ADAMTSL3: variants seen among roughly 807,000 people sequenced by gnomAD.
ADAMTSL3 encodes ADAMTS like 3.
ADAMTSL3 carries 128 observed loss-of-function variants against 201.7 expected under a neutral mutation model. That is an observed-to-expected ratio of 0.63 (90% CI 0.55 to 0.73). The LOEUF is 0.73. Ranked by LOEUF, ADAMTSL3 falls within the 30% of genes least tolerant of loss-of-function variation. ADAMTSL3 has a pLI of 0.00. For synonymous variants in ADAMTSL3, 738 were observed against 748.4 expected (o/e 0.99, Z 0.23); for missense variants, 1,990 against 2,119.6 (o/e 0.94, Z 1.20).
At chr15:83,945,314 G>A (rs546189678) in intron 19 of ADAMTSL3, among the ~76,000 whole-genome samples, 2 of 152,198 alleles carry the variant, frequency 1.3e-5, no homozygotes, top group Non-Finnish European at 2.9e-5. Context: ...CCTAAACAAA[G>A]AGAAAGGACT....
At chr15:84,005,457 G>A (rs1279755430) in intron 23 of ADAMTSL3, among the ~76,000 whole-genome samples, 2 of 152,170 alleles carry the variant, frequency 1.3e-5, no homozygotes, top group South Asian at 2.1e-4. Context: ...AGCATGTATC[G>A]CTATGCTTGA....
chr15:83,697,294 C>T (rs1377647884), intron 2 of ADAMTSL3, among the ~76,000 whole-genome samples: 1 of 152,132 alleles, frequency 6.6e-6, no homozygotes, highest in Non-Finnish European at 1.5e-5. Flanking sequence ...CAACACAGCA[C>T]TTGTGTGGAG....
chr15:83,872,594 T>TA (rs2065101048), intron 9 of ADAMTSL3, among the ~76,000 whole-genome samples: 1 of 55,828 alleles, frequency 1.8e-5, no homozygotes, highest in Non-Finnish European at 3.7e-5. Context: ...GTAGAAAATA[T>TA]ACACCACACA....
chr15:83,739,876 GC>G, intron 3 of ADAMTSL3: 1 of 600,986 alleles, frequency 1.7e-6, no homozygotes, highest in Non-Finnish European at 3.2e-6. Context: ...ACAGCATCCT[GC>G]CTGACGACCA....
Position 84,038,059 on chromosome 15 carries a change from G to A in ADAMTSL3, c.*253G>A, listed in dbSNP as rs1015489238. The stretch of plus-strand genomic sequence containing the variant: ...ATAGCATGCATGCCACTGCACTTGG[G>A]ACCTCATCATGTCAGTTGAATCGAG... On this transcript the variant is annotated 3_prime_UTR_variant, in exon 30 of 30. Transcript: ENST00000286744. The A allele has an allele frequency of 2.2e-6, 1 of 454,210 alleles. No individual in the cohort carries two copies. The highest frequency in any genetic ancestry group is 4.0e-5 in the Admixed American group (1 of 25,148). The allele number at this position is 454,210 out of a possible 1,614,324, so 28.1% of individuals were successfully genotyped here.
rs1451102081 is a variant in ADAMTSL3, at chr15:83,890,166, A to G, written c.1130A>G (p.Asp377Gly). The G allele has an allele frequency of 1.9e-6, 3 of 1,613,890 alleles. No individual in the cohort carries two copies. In the African/African-American group the frequency reaches 4.0e-5, roughly 22 times the overall value. Residue 377 changes from aspartate (D) to glycine (G), a missense_variant, in exon 11 of 30, where the codon GAC becomes GGC. Coordinates refer to ENST00000286744, the MANE Select transcript of ADAMTSL3 (RefSeq NM_207517.3). ...VDIRLKRVVPDHYCHYYPENV... is the reference protein window; with the variant it reads ...VDIRLKRVVPGHYCHYYPENV... ...ATCCGCTTGAAGAGGGTAGTTCCTG[A>G]CCATTATTGTCACTACTACCCTGAA...
intron 8 of ADAMTSL3, among the ~76,000 whole-genome samples, chr15:83,869,678 G>A (rs1398833954): frequency 3.9e-5 from 6 of 152,150 alleles, no homozygotes; most frequent in Admixed American, 3.3e-4. Flanking sequence ...AATGCTGGAC[G>A]ATTTTGTTGC....
Position 83,890,184 on chromosome 15 carries a change from A to G in ADAMTSL3, c.1148A>G (p.Tyr383Cys), listed in dbSNP as rs2065476707. ...GTTCCTGACCATTATTGTCACTACT[A>G]CCCTGAAAATGTAAAACCAAAACCA... Reference protein sequence around the residue: ...RVVPDHYCHYYPENVKPKPKL... With the variant: ...RVVPDHYCHYCPENVKPKPKL... The change falls in exon 11 of 30, where the codon TAC becomes TGC. Residue 383 changes from tyrosine (Y) to cysteine (C), a missense_variant. By Grantham distance (194) the Tyr-to-Cys change is radical. Coordinates refer to ENST00000286744, the MANE Select transcript of ADAMTSL3 (RefSeq NM_207517.3). 3 of 1,613,952 alleles carry G rather than the reference A, an allele frequency of 1.9e-6. No individual in the cohort carries two copies. Among genetic ancestry groups the G allele is most frequent in the Non-Finnish European group, 2.5e-6 (3 of 1,179,958 alleles).
At chr15:83,842,476 G>A (rs544456059) in intron 7 of ADAMTSL3, among the ~76,000 whole-genome samples, 42 of 152,244 alleles carry the variant, frequency 2.8e-4, no homozygotes, top group Middle Eastern at 3.4e-3. Flanking sequence ...CCCCCTAGGG[G>A]CTTGAGCTGC....
chr15:83,991,316 C>A, intron 23 of ADAMTSL3, 102 bp downstream of exon 23: 1 of 1,547,386 alleles, frequency 6.5e-7, no homozygotes, highest in Non-Finnish European at 8.8e-7. Flanking sequence ...TATTCGAGAC[C>A]TCAGCCTGAT....
intron 3 of ADAMTSL3, among the ~76,000 whole-genome samples, chr15:83,712,964 T>G (rs764429582): frequency 2.0e-5 from 3 of 152,208 alleles, no homozygotes; most frequent in Non-Finnish European, 2.9e-5. Flanking sequence ...ATGCTTCTAC[T>G]ACATGCATTC....
At chr15:83,740,422 G>T (rs1339516635) in intron 3 of ADAMTSL3, among the ~76,000 whole-genome samples, 1 of 152,156 alleles carries the variant, frequency 6.6e-6, no homozygotes, top group Non-Finnish European at 1.5e-5. Flanking sequence ...GGTTGATGAA[G>T]AATCCAAATT....
intron 6 of ADAMTSL3, among the ~76,000 whole-genome samples, chr15:83,832,172 CT>C (rs1263348677): frequency 6.6e-6 from 1 of 152,032 alleles, no homozygotes; most frequent in Admixed American, 6.6e-5. Flanking sequence ...GCAAAGGCAT[CT>C]TTTTTTGCCT....
At chr15:83,957,426 G>A (rs1452254349) in intron 19 of ADAMTSL3, among the ~76,000 whole-genome samples, 1 of 152,162 alleles carries the variant, frequency 6.6e-6, no homozygotes, top group African/African-American at 2.4e-5. Context: ...CTATGGATAA[G>A]GTATTAGAGG....
chr15:83,867,553 C>A (rs767017997), intron 8 of ADAMTSL3, among the ~76,000 whole-genome samples: 3 of 152,206 alleles, frequency 2.0e-5, no homozygotes, highest in Non-Finnish European at 4.4e-5. Flanking sequence ...TAAGCCCTAT[C>A]TGAGGACCAT....
In ADAMTSL3 at chr15:83,792,276, G is replaced by T. The variant is rs185097967; in HGVS notation, c.318-12374G>T. On this transcript the variant is annotated intron_variant, in intron 4 of 29. Coordinates refer to ENST00000286744, the MANE Select transcript of ADAMTSL3 (RefSeq NM_207517.3). ...AGTATTTAAGTGATGTAAGCCAAAA[G>T]ATATATGAACAAATGCTCAACATCA... 1.8e-4 allele frequency among the ~76,000 whole-genome samples: 27 copies of T among 152,154 alleles called. No homozygotes were observed. In the East Asian group the frequency reaches 4.8e-3, roughly 27 times the overall value.
intron 3 of ADAMTSL3, among the ~76,000 whole-genome samples, chr15:83,763,434 G>T (rs1278358878): frequency 5.3e-5 from 8 of 150,734 alleles, no homozygotes; most frequent in Admixed American, 4.6e-4. Flanking sequence ...TTGAGACAGG[G>T]TCTCACTCTA....
chr15:84,029,780 T>C (rs960170015), intron 27 of ADAMTSL3, among the ~76,000 whole-genome samples: 3 of 152,180 alleles, frequency 2.0e-5, no homozygotes, highest in African/African-American at 7.2e-5. Context: ...TCACATACCC[T>C]GAGGCATAGG....
intron 16 of ADAMTSL3, among the ~76,000 whole-genome samples, chr15:83,917,417 GTGTATGTA>G (rs56329675): frequency 3.2e-4 from 47 of 146,638 alleles, no homozygotes; most frequent in South Asian, 1.5e-3. Flanking sequence ...TCCAAAGTGT[GTGTATGTA>G]TGTATGTATG....
Sources: gnomAD v4.1 joint callset for allele counts (sites outside exome capture counted in the v4.1 genomes callset) on GRCh38, gnomAD v4.1.1 for gene constraint, MANE v1.5 for transcripts, NCBI Gene and HGNC (gene_info 2026-07-23, HGNC 2026-07-21) for gene names.